The following SYNPR variants were observed in gnomAD, a reference collection of about 807,000 sequenced individuals.
SYNPR encodes synaptoporin.
SYNPR carries 23 observed loss-of-function variants against 32.9 expected under a neutral mutation model. The ratio of observed to expected loss-of-function variants is 0.70; its 90% confidence interval spans 0.50 to 0.99. The LOEUF is 0.99. SYNPR is among the 50% of genes least tolerant of loss of function. The probability of loss-of-function intolerance (pLI) is 0.00; values close to 1 mark genes in which losing one functional copy is unlikely to be tolerated. For synonymous variants in SYNPR, 146 were observed against 135.9 expected, an observed-to-expected ratio of 1.07 and a Z score of -0.52; for missense variants, 318 against 349.3, an observed-to-expected ratio of 0.91 and a Z score of 0.71.
rs114128439 is a variant in SYNPR at position 63,570,394 on chromosome 3, C to G, written c.408+13653C>G. On this transcript the variant is annotated intron_variant, in intron 4 of 5. Coordinates refer to ENST00000478300, the MANE Select transcript of SYNPR (RefSeq NM_001130003.2). ...AATAAAACGTCTCTCCTCACATCAG[C>G]ATTCAAGGCCCTCCTAAGCGTTCAC... Among the ~76,000 whole-genome samples, 299 of 152,318 alleles carry G rather than the reference C, an allele frequency of 2.0e-3. 1 individual carries two copies. The highest frequency in any genetic ancestry group is 7.0e-3 in the African/African-American group (292 of 41,568).
At position 63,524,425 on chromosome 3, in the gene SYNPR, G is replaced by C. The variant is rs140777134; in HGVS notation, c.210-32118G>C. Among the ~76,000 whole-genome samples the C allele has an allele frequency of 2.3e-3, 347 of 152,244 alleles. 2 individuals are homozygous for C. Among genetic ancestry groups the C allele is most frequent in the Middle Eastern group, 3.4e-3 (1 of 294 alleles). ...AGTGTCTTTCAGGATGGCTACGAAG[G>C]AGAAAGTTTGGCAGGATCGCAGATG... On this transcript the variant is annotated intron_variant, in intron 3 of 5. Transcript: ENST00000478300.
chr3:63,471,372 C>T (rs1700793208), intron 2 of SYNPR, among the ~76,000 whole-genome samples: 1 of 152,160 alleles, frequency 6.6e-6, no homozygotes, highest in Non-Finnish European at 1.5e-5. Context: ...ACATGAAGTT[C>T]CCATCTGAGG....
chr3:63,544,796 A>G (rs1250473114), intron 3 of SYNPR, among the ~76,000 whole-genome samples: 1 of 152,116 alleles, frequency 6.6e-6, no homozygotes, highest in African/African-American at 2.4e-5. Context: ...TACAGTTCAC[A>G]TATTATAGCA....
chr3:63,333,201 C>A (rs924813006), intron 2 of SYNPR, among the ~76,000 whole-genome samples: 1 of 152,002 alleles, frequency 6.6e-6, no homozygotes, highest in Non-Finnish European at 1.5e-5. Context: ...ATGAACTCTT[C>A]ATTGATTGCC....
At chr3:63,380,765 C>T (rs1362694926) in intron 2 of SYNPR, among the ~76,000 whole-genome samples, 5 of 152,216 alleles carry the variant, frequency 3.3e-5, no homozygotes, top group South Asian at 2.1e-4. Context: ...AATCAATAAA[C>T]GTAATCCAGC....
At chr3:63,231,858 A>G (rs2086168888) in intron 1 of SYNPR, among the ~76,000 whole-genome samples, 1 of 152,246 alleles carries the variant, frequency 6.6e-6, no homozygotes, top group African/African-American at 2.4e-5. Flanking sequence ...AAGCTCACTT[A>G]AAATATAAAC....
At chr3:63,403,026 C>G (rs1443774000) in intron 2 of SYNPR, among the ~76,000 whole-genome samples, 1 of 152,136 alleles carries the variant, frequency 6.6e-6, no homozygotes, top group Non-Finnish European at 1.5e-5. Flanking sequence ...AGAGACCATA[C>G]AGTAAACATT....
the SYNPR span, among the ~76,000 whole-genome samples, chr3:63,203,695 T>C: frequency 6.6e-6 from 1 of 152,138 alleles, no homozygotes; most frequent in Non-Finnish European, 1.5e-5. Context: ...TACTGCCTCA[T>C]TGCTTAAAAG....
chr3:63,332,488 T>G (rs145265863), intron 2 of SYNPR, among the ~76,000 whole-genome samples: 3 of 152,304 alleles, frequency 2.0e-5, no homozygotes, highest in South Asian at 2.1e-4. Context: ...TCCTTAGACT[T>G]TAGGTCAGTA....
At chr3:63,479,894 C>T (rs566475153) in intron 2 of SYNPR, among the ~76,000 whole-genome samples, 17 of 152,286 alleles carry the variant, frequency 1.1e-4, no homozygotes, top group African/African-American at 3.9e-4. Flanking sequence ...GCTGGTGTTT[C>T]CAGTAGTGAC....
At chr3:63,562,462 T>C (rs1462779266) in intron 4 of SYNPR, among the ~76,000 whole-genome samples, 2 of 152,202 alleles carry the variant, frequency 1.3e-5, no homozygotes, top group Non-Finnish European at 2.9e-5. Context: ...AGACAGAGGC[T>C]ATGTTATTCA....
intron 3 of SYNPR, among the ~76,000 whole-genome samples, chr3:63,548,959 C>T (rs983487127): frequency 1.3e-5 from 2 of 152,136 alleles, no homozygotes; most frequent in African/African-American, 4.8e-5. Flanking sequence ...TATCAGATGA[C>T]CATAATAGTG....
chr3:63,251,439 G>A (rs1363642061), intron 1 of SYNPR, among the ~76,000 whole-genome samples: 9 of 152,146 alleles, frequency 5.9e-5, no homozygotes, highest in Non-Finnish European at 8.8e-5. Context: ...GGGAGGTAAT[G>A]AAGTCTGAGA....
At chr3:63,249,147 C>G (rs1041952769) in intron 1 of SYNPR, among the ~76,000 whole-genome samples, 22 of 151,980 alleles carry the variant, frequency 1.4e-4, no homozygotes, top group African/African-American at 4.8e-4. Flanking sequence ...GTAAGGAGTT[C>G]AGGGAATGTA....
intron 2 of SYNPR, among the ~76,000 whole-genome samples, chr3:63,447,555 T>C (rs1417213412): frequency 1.3e-5 from 2 of 152,124 alleles, no homozygotes; most frequent in Non-Finnish European, 2.9e-5. Flanking sequence ...TACATGCTTG[T>C]GTAAGAAAAT....
intron 2 of SYNPR, among the ~76,000 whole-genome samples, chr3:63,327,714 G>T (rs2037569): frequency 6.6e-6 from 1 of 151,988 alleles, no homozygotes; most frequent in South Asian, 2.1e-4. Context: ...TTCAATTTGT[G>T]TTCAAAAATA....
rs532141188 is a variant in SYNPR at position 63,485,120 on chromosome 3, T to C, written c.209+4164T>C. Among the ~76,000 whole-genome samples, 3 of 152,056 alleles carry C rather than the reference T, an allele frequency of 2.0e-5. No homozygotes were observed. In the East Asian group the frequency reaches 5.8e-4, roughly 29 times the overall value. ...AGATGAGAGAGGTGAAGACTGAAAA[T>C]GAAGCTTTAAGAGTCATCATCATGA... On this transcript the variant is annotated intron_variant, in intron 3 of 5. Transcript: ENST00000478300.
At chr3:63,230,547 T>A (rs2086158986) in intron 1 of SYNPR, among the ~76,000 whole-genome samples, 1 of 152,198 alleles carries the variant, frequency 6.6e-6, no homozygotes, top group Non-Finnish European at 1.5e-5. Context: ...CCACATAGCG[T>A]TTGCTGAATA....
At chr3:63,354,213 C>T (rs2087546014) in intron 2 of SYNPR, among the ~76,000 whole-genome samples, 1 of 152,194 alleles carries the variant, frequency 6.6e-6, no homozygotes, top group Non-Finnish European at 1.5e-5. Context: ...TTTGCTATTG[C>T]TTGCATAAAT....
Sources: gnomAD v4.1 joint callset for allele counts (sites outside exome capture counted in the v4.1 genomes callset) on GRCh38, gnomAD v4.1.1 for gene constraint, MANE v1.5 for transcripts, NCBI Gene and HGNC (gene_info 2026-07-23, HGNC 2026-07-21) for gene names.